The following FRAS1 variants were observed in gnomAD, a reference collection of about 807,000 sequenced individuals.
FRAS1 encodes extracellular matrix organizing protein FRAS1.
Under a neutral mutation model 435.2 loss-of-function variants are expected in FRAS1, and 290 were observed. That is an observed-to-expected ratio of 0.67 (90% CI 0.61 to 0.73). FRAS1 has a LOEUF of 0.73. Among genes scored for constraint, FRAS1 ranks in the 30% least tolerant of loss-of-function variants. FRAS1 has a pLI of 0.00. For synonymous variants in FRAS1, 1,800 were observed against 1,851.0 expected (o/e 0.97, Z 0.71); for missense variants, 4,860 against 5,001.5 (o/e 0.97, Z 0.85).
At chr4:78,137,212 C>G (rs1007687532) in intron 2 of FRAS1, among the ~76,000 whole-genome samples, 17 of 152,154 alleles carry the variant, frequency 1.1e-4, no homozygotes, top group African/African-American at 3.9e-4. Context: ...GGAAAAGATG[C>G]AAACCTTATA....
At chr4:78,166,868 C>T (rs1721352610) in intron 2 of FRAS1, among the ~76,000 whole-genome samples, 1 of 152,134 alleles carries the variant, frequency 6.6e-6, no homozygotes. Flanking sequence ...ATGCTCATTC[C>T]CTTTTCTGGC....
At position 78,540,722 on chromosome 4, in the gene FRAS1, T is replaced by C. The variant is rs147734882; in HGVS notation, c.11637T>C (p.Asn3879=). The C allele has an allele frequency of 6.3e-5, 102 of 1,613,850 alleles. No homozygotes were observed. The African/African-American group carries it at 1.1e-3, about 17-fold the overall frequency. Residue 3879 remains asparagine, a synonymous_variant, in exon 74 of 74, where the codon AAT becomes AAC. Transcript: ENST00000512123. ...ACAATGAAGGAGACCAAGTCAAGAA[T>C]GGCACCAATATGAAGTCCCTGAATC... ...IYDNEGDQVK[N]GTNMKSLNLE...
At chr4:78,301,719 GTCCTTCTTTCTCTA>G (rs1246511459) in intron 14 of FRAS1, among the ~76,000 whole-genome samples, 1 of 152,054 alleles carries the variant, frequency 6.6e-6, no homozygotes, top group East Asian at 1.9e-4. Context: ...TCATTAAGCA[GTCCTTCTTTCTCTA>G]GAAAGTTATG....
At chr4:78,394,532 T>C (rs1313976722) in intron 29 of FRAS1, among the ~76,000 whole-genome samples, 1 of 146,350 alleles carries the variant, frequency 6.8e-6, no homozygotes, top group Admixed American at 7.0e-5. Context: ...TGTTTATTTA[T>C]TTCTGGGCTC....
chr4:78,267,140 G>A (rs1726399210), intron 8 of FRAS1, 101 bp from the exon 9 acceptor site: 2 of 1,218,292 alleles, frequency 1.6e-6, no homozygotes, highest in Admixed American at 2.3e-5. Context: ...CAGAGAAAGA[G>A]CCATGTAGAG....
intron 9 of FRAS1, among the ~76,000 whole-genome samples, chr4:78,273,805 G>T (rs1182002996): frequency 2.0e-5 from 3 of 152,134 alleles, no homozygotes; most frequent in African/African-American, 7.2e-5. Flanking sequence ...CCAGGCTTTG[G>T]TATCAGAATG....
intron 14 of FRAS1, among the ~76,000 whole-genome samples, chr4:78,302,742 A>G (rs1239584416): frequency 6.6e-6 from 1 of 151,908 alleles, no homozygotes; most frequent in Non-Finnish European, 1.5e-5. Flanking sequence ...AGTTCATTGT[A>G]CATTCTGGAT....
chr4:78,340,660 G>A (rs181114191), intron 20 of FRAS1, among the ~76,000 whole-genome samples: 15 of 152,332 alleles, frequency 9.8e-5, no homozygotes, highest in African/African-American at 3.4e-4. Context: ...AAATACCACA[G>A]ACTGGGTGGC....
chr4:78,456,165 A>T, intron 47 of FRAS1, among the ~76,000 whole-genome samples: 1 of 14,254 alleles, frequency 7.0e-5, no homozygotes, highest in Non-Finnish European at 1.5e-4. Context: ...TTTTTTTGAG[A>T]CGGAGTCTCA....
chr4:78,466,303 C>T lies in FRAS1; in HGVS notation c.7125C>T (p.Phe2375=). The change falls in exon 50 of 74, where the codon TTC becomes TTT. Residue 2375 remains phenylalanine, a synonymous_variant. Transcript: ENST00000512123. ...NGQHFHLTST[F]TMKDIYQNRV... ...AGCATTTCCACCTCACCTCCACCTT[C>T]ACCATGAAAGATATCTACCAGAACC... is the stretch of plus-strand genomic sequence containing the variant. 4.3e-6 allele frequency: 7 copies of T among 1,613,874 alleles called. No individual in the cohort carries two copies. Among genetic ancestry groups the T allele is most frequent in the Non-Finnish European group, 5.9e-6 (7 of 1,179,776 alleles).
At chr4:78,286,749 G>A (rs1045193959) in intron 14 of FRAS1, among the ~76,000 whole-genome samples, 10 of 152,082 alleles carry the variant, frequency 6.6e-5, no homozygotes, top group African/African-American at 1.9e-4. Context: ...TAGGTTATTC[G>A]GTTCTTATCA....
chr4:78,243,655 A>AAT (rs33933484), intron 3 of FRAS1, among the ~76,000 whole-genome samples: 15 of 151,084 alleles, frequency 9.9e-5, no homozygotes, highest in African/African-American at 3.4e-4. Flanking sequence ...GCCACTAGCA[A>AAT]ATATATATAT....
At chr4:78,141,477 T>C (rs1254392365) in intron 2 of FRAS1, among the ~76,000 whole-genome samples, 1 of 152,082 alleles carries the variant, frequency 6.6e-6, no homozygotes, top group African/African-American at 2.4e-5. Flanking sequence ...CTAGAAAATA[T>C]GGAGAAAATA....
intron 49 of FRAS1, 88 bp downstream of exon 49, chr4:78,464,671 G>A (rs1323996450): frequency 2.8e-6 from 4 of 1,434,558 alleles, no homozygotes; most frequent in South Asian, 1.3e-5. Flanking sequence ...CATCCTGATG[G>A]TAGGGAGGAG....
In FRAS1 at chr4:78,434,129, G is replaced by C. The variant is rs371688999; in HGVS notation, c.5217+1525G>C. On this transcript the variant is annotated intron_variant, in intron 38 of 73. Coordinates refer to ENST00000512123, the MANE Select transcript of FRAS1 (RefSeq NM_025074.7). ...TTTCAGTGAACATGTAGAAAGATTG[G>C]AAAAGCCATCTGAAATCCTAGTCAC... Among the ~76,000 whole-genome samples the C allele has an allele frequency of 2.6e-5, 4 of 152,262 alleles. 1 individual carries two copies. The highest frequency in any genetic ancestry group is 9.6e-5 in the African/African-American group (4 of 41,552).
intron 2 of FRAS1, among the ~76,000 whole-genome samples, chr4:78,189,427 T>C (rs1277570264): frequency 1.3e-5 from 2 of 152,208 alleles, no homozygotes; most frequent in Non-Finnish European, 2.9e-5. Flanking sequence ...CTTCCCTGTG[T>C]CTTCTTGCAT....
rs184017826 is a variant in FRAS1, at chr4:78,243,429, C to A, written c.217-1804C>A. On this transcript the variant is annotated intron_variant, in intron 3 of 73. Coordinates refer to ENST00000512123, the MANE Select transcript of FRAS1 (RefSeq NM_025074.7). The stretch of plus-strand genomic sequence containing the variant: ...AACCACTTTCTAAACCACAACACTG[C>A]AAAGCCTGGAGAAGGACTCCTTTGT... Among the ~76,000 whole-genome samples the A allele has an allele frequency of 3.9e-3, 596 of 152,200 alleles. 2 individuals carry two copies. The highest frequency in any genetic ancestry group is 0.013 in the African/African-American group (534 of 41,526).
chr4:78,259,946 A>G (rs1391660592), intron 6 of FRAS1, among the ~76,000 whole-genome samples: 1 of 152,196 alleles, frequency 6.6e-6, no homozygotes, highest in African/African-American at 2.4e-5. Context: ...TTTTCCCAGC[A>G]TCATTTATTA....
intron 2 of FRAS1, among the ~76,000 whole-genome samples, chr4:78,235,301 C>G (rs1724702802): frequency 6.6e-6 from 1 of 152,198 alleles, no homozygotes; most frequent in South Asian, 2.1e-4. Flanking sequence ...ATGAAATTAA[C>G]CATCACATTT....
Sources: allele counts gnomAD v4.1 joint callset (sites outside exome capture counted in the v4.1 genomes callset), GRCh38; gene constraint gnomAD v4.1.1; transcripts MANE v1.5; gene names NCBI Gene and HGNC (gene_info 2026-07-23, HGNC 2026-07-21).